The following RNF150 variants were observed in gnomAD, a reference collection of about 807,000 sequenced individuals.
RNF150 encodes the protein ring finger protein 150.
RNF150 carries 24 observed loss-of-function variants against 39.3 expected under a neutral mutation model. The ratio of observed to expected loss-of-function variants is 0.61; its 90% CI spans 0.44 to 0.86. RNF150 has a LOEUF of 0.86. RNF150 is among the 40% of genes least tolerant of loss of function. The pLI is 0.00. For missense variants in RNF150, 502 were observed against 587.8 expected, an observed-to-expected ratio of 0.85 and a Z score of 1.51; for synonymous variants, 255 against 227.3, an observed-to-expected ratio of 1.12 and a Z score of -1.10.
chr4:141,085,055 A>C (rs1414475632), intron 1 of RNF150, among the ~76,000 whole-genome samples: 1 of 152,216 alleles, frequency 6.6e-6, no homozygotes, highest in African/African-American at 2.4e-5. Context: ...CTATGAAGAA[A>C]TACCCGAGAC....
At chr4:141,041,618 A>G (rs1397675657) in intron 1 of RNF150, among the ~76,000 whole-genome samples, 1 of 152,078 alleles carries the variant, frequency 6.6e-6, no homozygotes, top group African/African-American at 2.4e-5. Context: ...TATTTCTTCT[A>G]TGGGCTGTTT....
At chr4:140,957,285 A>T (rs1732798289) in intron 2 of RNF150, among the ~76,000 whole-genome samples, 2 of 152,182 alleles carry the variant, frequency 1.3e-5, no homozygotes, top group Admixed American at 1.3e-4. Flanking sequence ...ATGCAGCCAA[A>T]AAACACATGA....
At position 141,022,867 on chromosome 4, in the gene RNF150, T is replaced by C. The variant is rs190265160; in HGVS notation, c.485-54994A>G. On this transcript the variant is annotated intron_variant, in intron 1 of 6. Coordinates refer to ENST00000515673, the MANE Select transcript of RNF150 (RefSeq NM_020724.2). ...TATTGATGATGTTGCTTTACTCAAATAATTGTCAAAAGCATTCAGCTAAAC... is the reference window on the plus strand; with the variant it reads ...TATTGATGATGTTGCTTTACTCAAACAATTGTCAAAAGCATTCAGCTAAAC... 2.4e-4 allele frequency among the ~76,000 whole-genome samples: 36 copies of C among 152,348 alleles called. 1 individual carries two copies. In the East Asian group the frequency reaches 6.6e-3, roughly 28 times the overall value.
intron 1 of RNF150, among the ~76,000 whole-genome samples, chr4:141,056,945 T>A (rs1158304294): frequency 6.6e-6 from 1 of 152,126 alleles, no homozygotes; most frequent in Non-Finnish European, 1.5e-5. Context: ...TATATATGAT[T>A]GATAATAGTG....
At chr4:140,907,218 G>A (rs992861650) in intron 6 of RNF150, among the ~76,000 whole-genome samples, 1 of 152,198 alleles carries the variant, frequency 6.6e-6, no homozygotes, top group African/African-American at 2.4e-5. Flanking sequence ...AAAGACTGGT[G>A]AGTAACGTGT....
chr4:140,943,825 A>C (rs1732181720), intron 4 of RNF150, among the ~76,000 whole-genome samples: 1 of 152,112 alleles, frequency 6.6e-6, no homozygotes, highest in Admixed American at 6.5e-5. Context: ...ATTTTTCCTT[A>C]GTTGTGGAGG....
Position 141,180,277 on chromosome 4 carries a change from C to T in RNF150, c.-6+32517G>A, listed in dbSNP as rs188729421. On this transcript the variant is annotated intron_variant, in intron 1 of 7. Transcript: ENST00000420921. ...TACACCCATGTTCAAGTTCAGATAGCGGAAGAAGCAAGCAGAGAGCTTACA... is the reference window on the plus strand; with the variant it reads ...TACACCCATGTTCAAGTTCAGATAGTGGAAGAAGCAAGCAGAGAGCTTACA... Among the ~76,000 whole-genome samples, 41 of 152,224 alleles carry T rather than the reference C, an allele frequency of 2.7e-4. 1 individual carries two copies. The highest frequency in any genetic ancestry group is 8.5e-4 in the Admixed American group (13 of 15,278).
intron 1 of RNF150, among the ~76,000 whole-genome samples, chr4:141,192,459 T>G (rs539579524): frequency 1.3e-5 from 2 of 152,294 alleles, no homozygotes; most frequent in East Asian, 3.9e-4. Flanking sequence ...AAATATATAA[T>G]GCTAATTTGT....
chr4:141,113,382 A>C (rs1739453571), intron 1 of RNF150, among the ~76,000 whole-genome samples: 1 of 152,112 alleles, frequency 6.6e-6, no homozygotes, highest in African/African-American at 2.4e-5. Flanking sequence ...GTCTTCAATA[A>C]AACAGACCTT....
intron 1 of RNF150, among the ~76,000 whole-genome samples, chr4:141,209,974 C>A (rs532630519): frequency 2.6e-4 from 39 of 151,944 alleles, no homozygotes; most frequent in Non-Finnish European, 5.3e-4. Flanking sequence ...GAAGTCTTAC[C>A]CACATCAATA....
At chr4:141,105,131 A>G (rs1739154641) in intron 1 of RNF150, among the ~76,000 whole-genome samples, 1 of 152,326 alleles carries the variant, frequency 6.6e-6, no homozygotes, top group Non-Finnish European at 1.5e-5. Context: ...CTTTCTAGAG[A>G]TTTAAATGTC....
At chr4:141,064,214 A>G (rs1212199759) in intron 1 of RNF150, among the ~76,000 whole-genome samples, 4 of 152,182 alleles carry the variant, frequency 2.6e-5, no homozygotes, top group African/African-American at 9.7e-5. Context: ...CCCATTTTAC[A>G]TCTGACAAAA....
intron 1 of RNF150, among the ~76,000 whole-genome samples, chr4:141,180,027 G>A (rs944831694): frequency 2.0e-5 from 3 of 152,022 alleles, no homozygotes; most frequent in African/African-American, 7.3e-5. Flanking sequence ...CAGATAATTC[G>A]GTTTCTATTT....
At chr4:140,943,553 G>C (rs1169049703) in intron 4 of RNF150, among the ~76,000 whole-genome samples, 1 of 152,006 alleles carries the variant, frequency 6.6e-6, no homozygotes. Flanking sequence ...CTTGTGTCTG[G>C]TATTAATTCC....
intron 4 of RNF150, among the ~76,000 whole-genome samples, chr4:140,945,843 T>C (rs1166383057): frequency 6.6e-6 from 1 of 151,920 alleles, no homozygotes; most frequent in Non-Finnish European, 1.5e-5. Context: ...TTAGTAGTAA[T>C]CGCATAGGGC....
intron 1 of RNF150, among the ~76,000 whole-genome samples, chr4:141,026,379 C>T (rs1184405083): frequency 6.6e-6 from 1 of 152,184 alleles, no homozygotes; most frequent in African/African-American, 2.4e-5. Context: ...AACAACGAAT[C>T]TTATAGCAGT....
rs953608792 is a variant in RNF150 at position 141,132,990 on chromosome 4, G to T, written c.-182C>A. On this transcript the variant is annotated 5_prime_UTR_variant, in exon 1 of 7. Coordinates refer to ENST00000515673, the MANE Select transcript of RNF150 (RefSeq NM_020724.2). This position sits in a 1 kb window ranked among gnomAD's most constrained non-coding sequence, Gnocchi z 4.9. ...ACCGGATTCCGGGCGAGCGGATGGCGCTGGCCCCTTCCCCTCTCAGCTGTA... is the reference window on the plus strand; with the variant it reads ...ACCGGATTCCGGGCGAGCGGATGGCTCTGGCCCCTTCCCCTCTCAGCTGTA... 21 of 551,030 alleles carry T rather than the reference G, an allele frequency of 3.8e-5. No individual in the cohort carries two copies. The highest frequency in any genetic ancestry group is 6.6e-5 in the Non-Finnish European group (21 of 319,688). 34.1% of individuals were successfully genotyped at this position (551,030 alleles called of 1,614,324 possible).
chr4:141,001,893 T>C (rs1345650732), intron 1 of RNF150, among the ~76,000 whole-genome samples: 1 of 152,162 alleles, frequency 6.6e-6, no homozygotes, highest in Admixed American at 6.5e-5. Context: ...ATACGCTTAT[T>C]AGTAACAATT....
intron 1 of RNF150, among the ~76,000 whole-genome samples, chr4:141,036,765 A>G (rs1381713843): frequency 3.3e-5 from 5 of 152,202 alleles, no homozygotes; most frequent in Non-Finnish European, 7.3e-5. Flanking sequence ...TTGTTGATAT[A>G]TAAATTTATC....
Sources: allele counts gnomAD v4.1 joint callset (sites outside exome capture counted in the v4.1 genomes callset), GRCh38; gene constraint gnomAD v4.1.1; non-coding constraint Gnocchi (gnomAD v3.1); transcripts MANE v1.5; gene names NCBI Gene and HGNC (gene_info 2026-07-23, HGNC 2026-07-21).